The following ZNF10 variants were observed in gnomAD, a reference collection of about 807,000 sequenced individuals.
ZNF10 encodes the protein zinc finger protein 10 (KOX 1).
In ZNF10, 8 loss-of-function variants were observed where a neutral mutation model predicts 12.2. That is an observed-to-expected ratio of 0.66 (90% confidence interval 0.39 to 1.18). The LOEUF (loss-of-function observed/expected upper bound fraction) is 1.18. Ranked by LOEUF, ZNF10 falls within the 50% of genes most tolerant of loss-of-function variation. The probability of loss-of-function intolerance (pLI) is 0.01; values close to 1 mark genes in which losing one functional copy is unlikely to be tolerated. For missense variants in ZNF10, 603 were observed against 678.9 expected, an observed-to-expected ratio of 0.89 and a Z score of 1.24; for synonymous variants, 229 against 228.2, an observed-to-expected ratio of 1.00 and a Z score of -0.03.
chr12:133,158,619 C>T lies in ZNF10; in HGVS notation c.*1651C>T, dbSNP rs1363602827. The T allele has an allele frequency of 3.3e-5, 5 of 152,176 alleles. No homozygotes were observed. The highest frequency in any genetic ancestry group is 5.9e-5 in the Non-Finnish European group (4 of 68,028). The allele number at this position is 152,176 out of a possible 1,614,324, so 9.4% of individuals were successfully genotyped here. A position where few individuals can be genotyped will look rare whatever the true frequency, so the allele number is the denominator to read the frequency against. On this transcript the variant is annotated 3_prime_UTR_variant, in exon 5 of 5. Coordinates refer to ENST00000248211, the MANE Select transcript of ZNF10 (RefSeq NM_015394.5). Reference sequence around the variant, plus strand: ...TAATTTTCTCTTTCATTCTATAAATCAGTCTGTTGTATATAGGGACTGACC... The same window carrying T: ...TAATTTTCTCTTTCATTCTATAAATTAGTCTGTTGTATATAGGGACTGACC...
chr12:133,145,564 C>CT (rs760556278), intron 2 of ZNF10, among the ~76,000 whole-genome samples: 6 of 152,126 alleles, frequency 3.9e-5, no homozygotes, highest in Non-Finnish European at 5.9e-5. Context: ...AATCCCAGCA[C>CT]TTTGGGAGGC....
At position 133,151,017 on chromosome 12, in the gene ZNF10, T is replaced by C; in HGVS notation, c.34-11T>C. ...ATATCTGGTGCAATGCAAATGTGTTTGATGTTGTAGACACTGGTGACCTTC... is the reference window on the plus strand; with the variant it reads ...ATATCTGGTGCAATGCAAATGTGTTCGATGTTGTAGACACTGGTGACCTTC... On this transcript the variant is annotated splice_polypyrimidine_tract_variant and intron_variant, in intron 2 of 4. Coordinates refer to ENST00000248211, the MANE Select transcript of ZNF10 (RefSeq NM_015394.5). 1 of 1,610,938 alleles carries C rather than the reference T, an allele frequency of 6.2e-7. No individual in the cohort carries two copies. The highest frequency in any genetic ancestry group is 8.5e-7 in the Non-Finnish European group (1 of 1,177,912).
intron 1 of ZNF10, among the ~76,000 whole-genome samples, chr12:133,138,196 G>A (rs1440965542): frequency 6.6e-6 from 1 of 152,096 alleles, no homozygotes; most frequent in African/African-American, 2.4e-5. Flanking sequence ...GTTTGAGTGA[G>A]TTATCTAGTA....
Position 133,156,361 on chromosome 12 carries a change from C to G in ZNF10, c.1115C>G (p.Thr372Ser). Reference sequence around the variant, plus strand: ...CTTATTAGACACCAGAGGACACATACTGGAGAGAAACCCTATGAATGTCCT... The same window carrying G: ...CTTATTAGACACCAGAGGACACATAGTGGAGAGAAACCCTATGAATGTCCT... Reference protein sequence around the residue: ...SRLIRHQRTHTGEKPYECPEC... With the variant: ...SRLIRHQRTHSGEKPYECPEC... The change falls in exon 5 of 5, where the codon ACT becomes AGT. Residue 372 changes from threonine to serine, a missense_variant. Thr to Ser is a moderately conservative substitution (Grantham distance 58). Coordinates refer to ENST00000248211, the MANE Select transcript of ZNF10 (RefSeq NM_015394.5). 3 of 1,614,060 alleles carry G rather than the reference C, an allele frequency of 1.9e-6. No individual in the cohort carries two copies. The South Asian group carries it at 3.3e-5, about 18-fold the overall frequency.
intron 1 of ZNF10, among the ~76,000 whole-genome samples, chr12:133,141,262 G>C (rs1955942944): frequency 6.6e-6 from 1 of 152,034 alleles, no homozygotes; most frequent in Admixed American, 6.6e-5. Flanking sequence ...CAAAGCTTAA[G>C]GAAATTTATA....
At chr12:133,149,854 A>G (rs1406327837) in intron 2 of ZNF10, among the ~76,000 whole-genome samples, 1 of 151,948 alleles carries the variant, frequency 6.6e-6, no homozygotes, top group Non-Finnish European at 1.5e-5. Context: ...ATTTCACTTA[A>G]TGTCTTGGTT....
rs1956039364 is a variant in ZNF10 at position 133,156,103 on chromosome 12, T to C, written c.857T>C (p.Ile286Thr). 4 of 1,613,358 alleles carry C rather than the reference T, an allele frequency of 2.5e-6. No homozygotes were observed. Among genetic ancestry groups the C allele is most frequent in the South Asian group, 2.2e-5 (2 of 91,068 alleles). Residue 286 changes from isoleucine to threonine, a missense_variant, in exon 5 of 5, where the codon ATT (isoleucine) becomes ACT (threonine). Physicochemically the swap from Ile to Thr is moderately conservative, Grantham distance 89. Coordinates refer to ENST00000248211, the MANE Select transcript of ZNF10 (RefSeq NM_015394.5). The part of the protein sequence containing the change: ...WRSNLTRHQL[I>T]HTGEKPYECK... ...TCTAATCTTACTAGGCATCAGCTTA[T>C]TCATACTGGAGAAAAACCCTATGAG...
intron 2 of ZNF10, among the ~76,000 whole-genome samples, chr12:133,147,675 C>T (rs148071946): frequency 1.8e-3 from 269 of 146,792 alleles, no homozygotes; most frequent in Non-Finnish European, 3.5e-3. Context: ...TGCAGTGGCA[C>T]GATATCAGCT....
Position 133,156,923 on chromosome 12 carries a change from C to T in ZNF10, c.1677C>T (p.Asn559=), listed in dbSNP as rs1367692457. 1 of 1,462,046 alleles carries T rather than the reference C, an allele frequency of 6.8e-7. No individual in the cohort carries two copies. Among genetic ancestry groups the T allele is most frequent in the Admixed American group, 2.6e-5 (1 of 39,014 alleles). The allele number at this position is 1,462,046 out of a possible 1,614,324, so 90.6% of individuals were successfully genotyped here. A position where few individuals can be genotyped will look rare whatever the true frequency, so the allele number is the denominator to read the frequency against. The stretch of plus-strand genomic sequence containing the variant: ...GGACAGCGCTTGTTAATACCTCTAA[C>T]CTTATTGGATACCAGACAAATCATA... ...QCGTALVNTS[N]LIGYQTNHIR... is the part of the protein sequence containing the mutation. The change falls in exon 5 of 5, where the codon AAC becomes AAT. Residue 559 remains asparagine (N), a synonymous_variant. Coordinates refer to ENST00000248211, the MANE Select transcript of ZNF10 (RefSeq NM_015394.5).
At position 133,151,020 on chromosome 12, in the gene ZNF10, T is replaced by C; in HGVS notation, c.34-8T>C. 1 of 1,611,872 alleles carries C rather than the reference T, an allele frequency of 6.2e-7. No homozygotes were observed. Among genetic ancestry groups the C allele is most frequent in the Non-Finnish European group, 8.5e-7 (1 of 1,178,492 alleles). Reference sequence around the variant, plus strand: ...TCTGGTGCAATGCAAATGTGTTTGATGTTGTAGACACTGGTGACCTTCAAG... The same window carrying C: ...TCTGGTGCAATGCAAATGTGTTTGACGTTGTAGACACTGGTGACCTTCAAG... On this transcript the variant is annotated splice_polypyrimidine_tract_variant and splice_region_variant and intron_variant, in intron 2 of 4. Coordinates refer to ENST00000248211, the MANE Select transcript of ZNF10 (RefSeq NM_015394.5).
At chr12:133,132,686 A>G (rs1955887864) in intron 1 of ZNF10, among the ~76,000 whole-genome samples, 2 of 152,220 alleles carry the variant, frequency 1.3e-5, no homozygotes, top group Admixed American at 6.5e-5. Flanking sequence ...AAGATATGAT[A>G]TAGGCCACCT....
chr12:133,153,675 G>A (rs1332992205), intron 4 of ZNF10, among the ~76,000 whole-genome samples: 1 of 152,140 alleles, frequency 6.6e-6, no homozygotes, highest in African/African-American at 2.4e-5. Context: ...GTCATTTAGG[G>A]ACCAGGCCTG....
intron 1 of ZNF10, among the ~76,000 whole-genome samples, chr12:133,141,059 A>G (rs986605390): frequency 6.6e-6 from 1 of 152,206 alleles, no homozygotes; most frequent in Non-Finnish European, 1.5e-5. Context: ...CACCAGCCAG[A>G]CTGGAAAACT....
At chr12:133,142,160 C>T (rs943950617) in intron 1 of ZNF10, among the ~76,000 whole-genome samples, 2 of 152,176 alleles carry the variant, frequency 1.3e-5, no homozygotes, top group East Asian at 1.9e-4. Flanking sequence ...CGGTGGCTCA[C>T]GCCTGTAATC....
chr12:133,156,510 G>A lies in ZNF10; in HGVS notation c.1264G>A (p.Val422Met). The change falls in exon 5 of 5, where the codon GTG becomes ATG. Residue 422 changes from valine (V) to methionine (M), a missense_variant. Physicochemically the swap from Val to Met is conservative, Grantham distance 21 (BLOSUM62 1). This residue lies in a region of ZNF10 where 204 missense variants were observed against 262.8 expected (regional missense o/e 0.78). Transcript: ENST00000248211. ...TTACAGCCAGAGATCTCACCTTGTT[G>A]TGCATCATAGAATTCACACTGGACT... ...KSYSQRSHLVVHHRIHTGLKP... is the reference protein window; with the variant it reads ...KSYSQRSHLVMHHRIHTGLKP... 3.1e-6 allele frequency: 5 copies of A among 1,614,044 alleles called. No homozygotes were observed. In the South Asian group the frequency reaches 4.4e-5, roughly 14 times the overall value.
intron 1 of ZNF10, among the ~76,000 whole-genome samples, chr12:133,139,924 C>G (rs2135458898): frequency 6.6e-6 from 1 of 151,958 alleles, no homozygotes; most frequent in Admixed American, 6.6e-5. Context: ...ATTAGCCAGG[C>G]TGGGCATGGT....
Position 133,157,458 on chromosome 12 carries a change from A to G in ZNF10, c.*490A>G, listed in dbSNP as rs1956049418. Reference sequence around the variant, plus strand: ...GTTTGGTATGTTTTATGTGTCTGGTAGAAACCATATTTTGGTTAACAGCAA... The same window carrying G: ...GTTTGGTATGTTTTATGTGTCTGGTGGAAACCATATTTTGGTTAACAGCAA... On this transcript the variant is annotated 3_prime_UTR_variant, in exon 5 of 5. Transcript: ENST00000248211. 1 of 152,384 alleles carries G rather than the reference A, an allele frequency of 6.6e-6. No homozygotes were observed. The highest frequency in any genetic ancestry group is 2.4e-5 in the African/African-American group (1 of 41,456). The allele number at this position is 152,384 out of a possible 1,614,324, so 9.4% of individuals were successfully genotyped here.
At chr12:133,141,406 A>G (rs1955943740) in intron 1 of ZNF10, among the ~76,000 whole-genome samples, 1 of 152,240 alleles carries the variant, frequency 6.6e-6, no homozygotes, top group South Asian at 2.1e-4. Context: ...AAACTCATCC[A>G]AACTTAACAT....
At chr12:133,132,514 G>A (rs1295786291) in intron 1 of ZNF10, among the ~76,000 whole-genome samples, 3 of 151,366 alleles carry the variant, frequency 2.0e-5, no homozygotes, top group Non-Finnish European at 4.4e-5. Flanking sequence ...GCGAAACTCC[G>A]TCTCAAAAAA....
Sources: allele counts gnomAD v4.1 joint callset (sites outside exome capture counted in the v4.1 genomes callset), GRCh38; gene constraint gnomAD v4.1.1; regional missense constraint gnomAD v4.1.1; transcripts MANE v1.5; gene names NCBI Gene and HGNC (gene_info 2026-07-23, HGNC 2026-07-21).